Variants in MAP3K7CL observed in about 807,000 individuals in gnomAD.
MAP3K7CL encodes the protein MAP3K7 C-terminal-like protein.
In MAP3K7CL, 16 loss-of-function variants were observed where a neutral mutation model predicts 18.6. That is an observed-to-expected ratio of 0.86 (90% CI 0.58 to 1.31). The LOEUF is 1.31. Among genes scored for constraint, MAP3K7CL ranks in the 50% most tolerant of loss-of-function variants. The probability of loss-of-function intolerance (pLI) is 0.00; values close to 1 mark genes in which losing one functional copy is unlikely to be tolerated. For synonymous variants in MAP3K7CL, 65 were observed against 66.8 expected (o/e 0.97, Z 0.13); for missense variants, 163 against 174.4 (o/e 0.93, Z 0.37).
chr21:29,107,433 G>A (rs895576668), intron 4 of MAP3K7CL, among the ~76,000 whole-genome samples: 2 of 152,164 alleles, frequency 1.3e-5, no homozygotes, highest in Admixed American at 1.3e-4. Context: ...GCCCAAACAA[G>A]AGTGATTTCC....
Position 29,159,982 on chromosome 21 carries a change from G to A in MAP3K7CL, c.174G>A (p.Val58=). The A allele has an allele frequency of 6.2e-7, 1 of 1,614,150 alleles. No homozygotes were observed. Among genetic ancestry groups the A allele is most frequent in the South Asian group, 1.1e-5 (1 of 91,084 alleles). The change falls in exon 4 of 5, where the codon GTG becomes GTA. Residue 58 remains valine, a synonymous_variant. Coordinates refer to ENST00000399928, the MANE Select transcript of MAP3K7CL (RefSeq NM_001286620.2). ...PCHDSEESME[V]FKQHCQIAEE... is the part of the protein sequence containing the mutation. ...ATGACTCCGAGGAATCCATGGAGGT[G>A]TTCAAACAGCACTGCCAAATAGCAG...
chr21:29,109,825 C>T, intron 4 of MAP3K7CL: 12 of 977,988 alleles, frequency 1.2e-5, no homozygotes, highest in Non-Finnish European at 1.5e-5. Flanking sequence ...TATATATATA[C>T]ATAGTGTAGA....
At chr21:29,086,549 A>G (rs2146485501) in intron 1 of MAP3K7CL, among the ~76,000 whole-genome samples, 1 of 152,360 alleles carries the variant, frequency 6.6e-6, no homozygotes, top group East Asian at 1.9e-4. Context: ...ATTTTGCTCT[A>G]GGCTGATCAA....
chr21:29,133,493 G>A (rs2086819795), intron 2 of MAP3K7CL, 79 bp downstream of exon 2: 4 of 1,116,848 alleles, frequency 3.6e-6, no homozygotes, highest in South Asian at 4.0e-5. Flanking sequence ...ACGCCTCTGT[G>A]GAAAATTTAA....
intron 4 of MAP3K7CL, among the ~76,000 whole-genome samples, chr21:29,166,439 A>T (rs1241425738): frequency 6.6e-6 from 1 of 152,218 alleles, no homozygotes. Flanking sequence ...GGTTGATCCT[A>T]TACCCTGGCT....
At chr21:29,166,871 G>A (rs2087701725) in intron 4 of MAP3K7CL, among the ~76,000 whole-genome samples, 5 of 152,280 alleles carry the variant, frequency 3.3e-5, no homozygotes, top group East Asian at 1.9e-4. Context: ...AAACATTTGT[G>A]TACAATTTTT....
chr21:29,106,607 A>G (rs1876865690), intron 4 of MAP3K7CL, among the ~76,000 whole-genome samples: 1 of 152,186 alleles, frequency 6.6e-6, no homozygotes, highest in South Asian at 2.1e-4. Context: ...GTTCGGGAAC[A>G]TGACCTCTGG....
intron 2 of MAP3K7CL, among the ~76,000 whole-genome samples, chr21:29,141,961 A>T (rs571109670): frequency 1.8e-4 from 27 of 152,264 alleles, no homozygotes; most frequent in African/African-American, 6.3e-4. Flanking sequence ...TCCTAAAAAT[A>T]AAATATTAAT....
At chr21:29,170,362 C>G (rs2087794817) in intron 4 of MAP3K7CL, among the ~76,000 whole-genome samples, 1 of 152,168 alleles carries the variant, frequency 6.6e-6, no homozygotes, top group African/African-American at 2.4e-5. Context: ...TTAGACTATT[C>G]TTTCAAATTG....
intron 2 of MAP3K7CL, among the ~76,000 whole-genome samples, chr21:29,148,425 T>C (rs889311020): frequency 2.6e-5 from 4 of 152,102 alleles, no homozygotes; most frequent in East Asian, 1.9e-4. Flanking sequence ...CTTGAAGAGA[T>C]TGGGGGTGAC....
chr21:29,159,055 G>A (rs901484151), intron 3 of MAP3K7CL, among the ~76,000 whole-genome samples: 1 of 151,654 alleles, frequency 6.6e-6, no homozygotes, highest in African/African-American at 2.4e-5. Context: ...TAAGTAGCTG[G>A]GACTACAGGT....
intron 4 of MAP3K7CL, among the ~76,000 whole-genome samples, chr21:29,101,750 C>T (rs1019797833): frequency 6.6e-6 from 1 of 152,070 alleles, no homozygotes; most frequent in Non-Finnish European, 1.5e-5. Flanking sequence ...TGATATAAAA[C>T]AATAGTATCT....
chr21:29,154,734 A>T (rs1254043169), intron 3 of MAP3K7CL, among the ~76,000 whole-genome samples: 1 of 152,232 alleles, frequency 6.6e-6, no homozygotes, highest in Non-Finnish European at 1.5e-5. Flanking sequence ...AAATGTGGTT[A>T]GGGTATATTC....
chr21:29,089,286 C>G (rs565071132), intron 1 of MAP3K7CL, among the ~76,000 whole-genome samples: 3 of 151,160 alleles, frequency 2.0e-5, no homozygotes, highest in African/African-American at 7.3e-5. Flanking sequence ...AGACTGCTCA[C>G]ACCACCTGCA....
intron 4 of MAP3K7CL, among the ~76,000 whole-genome samples, chr21:29,103,915 A>G (rs1341375031): frequency 6.6e-6 from 1 of 152,128 alleles, no homozygotes; most frequent in Non-Finnish European, 1.5e-5. Flanking sequence ...AAACTAAACT[A>G]AACTAAAATA....
chr21:29,120,396 G>A (rs1244565502), intron 4 of MAP3K7CL, among the ~76,000 whole-genome samples: 1 of 152,154 alleles, frequency 6.6e-6, no homozygotes, highest in East Asian at 1.9e-4. Flanking sequence ...CACTTTATGA[G>A]CTCTGGAACT....
intron 2 of MAP3K7CL, among the ~76,000 whole-genome samples, chr21:29,137,160 A>G (rs2086904258): frequency 2.0e-5 from 3 of 152,278 alleles, no homozygotes; most frequent in Non-Finnish European, 1.5e-5. Flanking sequence ...AGGGAAATGT[A>G]AACCACTAAG....
chr21:29,120,588 C>T (rs565922825), intron 4 of MAP3K7CL, among the ~76,000 whole-genome samples: 30 of 152,292 alleles, frequency 2.0e-4, no homozygotes, highest in Admixed American at 1.7e-3. Context: ...CACCTTAAAA[C>T]CAGAATATTT....
intron 1 of MAP3K7CL, among the ~76,000 whole-genome samples, chr21:29,090,653 A>G (rs2086009519): frequency 6.6e-6 from 1 of 152,142 alleles, no homozygotes; most frequent in South Asian, 2.1e-4. Flanking sequence ...TGCTGGGATT[A>G]CAGGTGTGAG....
Sources: allele counts gnomAD v4.1 joint callset (sites outside exome capture counted in the v4.1 genomes callset), GRCh38; gene constraint gnomAD v4.1.1; transcripts MANE v1.5; gene names NCBI Gene and HGNC (gene_info 2026-07-23, HGNC 2026-07-21).